LTBP1: variants seen among roughly 807,000 people sequenced by gnomAD.
LTBP1 encodes the protein latent transforming growth factor beta binding protein 1.
LTBP1 carries 129 observed loss-of-function variants against 207.6 expected under a neutral mutation model. That is an observed-to-expected ratio of 0.62 (90% CI 0.54 to 0.72). The LOEUF (loss-of-function observed/expected upper bound fraction) is 0.72. LTBP1 is among the 30% of genes least tolerant of loss of function. LTBP1 has a pLI of 0.00. For synonymous variants in LTBP1, 963 were observed against 833.7 expected, an observed-to-expected ratio of 1.16 and a Z score of -2.67; for missense variants, 2,281 against 2,217.2, an observed-to-expected ratio of 1.03 and a Z score of -0.58.
At chr2:32,964,218 G>A (rs1175510768) in intron 2 of LTBP1, among the ~76,000 whole-genome samples, 1 of 152,260 alleles carries the variant, frequency 6.6e-6, no homozygotes, top group South Asian at 2.1e-4. Flanking sequence ...GAGAATTTCA[G>A]CAATGATACA....
At chr2:33,296,775 T>C (rs1288385792) in intron 20 of LTBP1, among the ~76,000 whole-genome samples, 1 of 152,158 alleles carries the variant, frequency 6.6e-6, no homozygotes, top group Non-Finnish European at 1.5e-5. Flanking sequence ...CTAGTCCTGA[T>C]GCGTAGAAGC....
At chr2:33,177,934 C>T (rs2086222795) in intron 5 of LTBP1, among the ~76,000 whole-genome samples, 1 of 152,162 alleles carries the variant, frequency 6.6e-6, no homozygotes, top group Non-Finnish European at 1.5e-5. Context: ...AATCACATTA[C>T]GCTAGCCAAA....
chr2:33,331,131 G>A (rs372186036), intron 24 of LTBP1, among the ~76,000 whole-genome samples: 15 of 151,498 alleles, frequency 9.9e-5, no homozygotes, highest in South Asian at 4.2e-4. Flanking sequence ...CTTATGTTTC[G>A]CTCTTGATCA....
At chr2:33,371,380 C>G (rs2095065368) in intron 31 of LTBP1, among the ~76,000 whole-genome samples, 1 of 152,140 alleles carries the variant, frequency 6.6e-6, no homozygotes. Context: ...ATTTGGGTGG[C>G]TAAACTGTTT....
chr2:33,003,059 G>T (rs142601773), intron 2 of LTBP1, among the ~76,000 whole-genome samples: 4 of 152,342 alleles, frequency 2.6e-5, no homozygotes, highest in Middle Eastern at 3.4e-3. Context: ...AGCAATGTTG[G>T]CAGGCTTCCT....
chr2:33,357,502 A>G lies in LTBP1; in HGVS notation c.4001-3095A>G, dbSNP rs75452571. On this transcript the variant is annotated intron_variant, in intron 26 of 33. Transcript: ENST00000404816. The stretch of plus-strand genomic sequence containing the variant: ...TAGACATAGGCCACTTGGAACCGAC[A>G]TTAGTTTTCTCTTCCGGGAAGTGAG... Among the ~76,000 whole-genome samples the G allele has an allele frequency of 5.0e-3, 760 of 152,318 alleles. 1 individual carries two copies. The highest frequency in any genetic ancestry group is 7.8e-3 in the Non-Finnish European group (528 of 68,030).
In LTBP1 at chr2:32,947,299, A is replaced by T; in HGVS notation, c.-26A>T. Reference sequence around the variant, plus strand: ...GGGGGAGGGGGCCGGACCGCGCGCGACCGGTCGCGCCCGCTGGGGCCCGCG... The same window carrying T: ...GGGGGAGGGGGCCGGACCGCGCGCGTCCGGTCGCGCCCGCTGGGGCCCGCG... On this transcript the variant is annotated 5_prime_UTR_variant, in exon 1 of 34. Transcript: ENST00000404816. 8.3e-6 allele frequency: 8 copies of T among 966,054 alleles called. No homozygotes were observed. The highest frequency in any genetic ancestry group is 4.4e-4 in the Middle Eastern group (1 of 2,266). The allele number at this position is 966,054 out of a possible 1,614,324, so 59.8% of individuals were successfully genotyped here. A position where few individuals can be genotyped will look rare whatever the true frequency, so the allele number is the denominator to read the frequency against.
chr2:33,202,357 G>T, intron 7 of LTBP1, among the ~76,000 whole-genome samples: 1 of 152,106 alleles, frequency 6.6e-6, no homozygotes, highest in Non-Finnish European at 1.5e-5. Context: ...TGGTTGGGTC[G>T]ATGCAGATGA....
intron 15 of LTBP1, among the ~76,000 whole-genome samples, chr2:33,270,896 A>G (rs2093306395): frequency 6.6e-6 from 1 of 152,194 alleles, no homozygotes; most frequent in Non-Finnish European, 1.5e-5. Context: ...AACATTTTTT[A>G]TCAAATTCCA....
chr2:33,114,472 T>C (rs1246305865), intron 4 of LTBP1, among the ~76,000 whole-genome samples: 3 of 152,176 alleles, frequency 2.0e-5, no homozygotes, highest in Non-Finnish European at 4.4e-5. Context: ...CATCTAGATA[T>C]CGGACCTGAT....
intron 4 of LTBP1, among the ~76,000 whole-genome samples, chr2:33,119,787 C>T (rs555475679): frequency 7.2e-5 from 11 of 152,160 alleles, no homozygotes; most frequent in Admixed American, 2.0e-4. Context: ...CTTGATCTCC[C>T]GACCTCGTGA....
chr2:33,312,827 A>C (rs1165807427), intron 23 of LTBP1, among the ~76,000 whole-genome samples: 2 of 152,224 alleles, frequency 1.3e-5, no homozygotes, highest in African/African-American at 4.8e-5. Context: ...TAGTTTTTAA[A>C]GGGCCACACT....
intron 5 of LTBP1, among the ~76,000 whole-genome samples, chr2:33,141,431 A>G (rs1030740343): frequency 2.0e-5 from 3 of 152,266 alleles, no homozygotes; most frequent in Non-Finnish European, 4.4e-5. Context: ...TACATATTAC[A>G]TGTATTTTAC....
chr2:33,167,046 C>G (rs1348712243), intron 5 of LTBP1, among the ~76,000 whole-genome samples: 1 of 152,152 alleles, frequency 6.6e-6, no homozygotes, highest in African/African-American at 2.4e-5. Context: ...CTACACATGA[C>G]ACCACCCAGA....
chr2:33,085,072 C>T (rs895835247), intron 3 of LTBP1, among the ~76,000 whole-genome samples: 1 of 152,100 alleles, frequency 6.6e-6, no homozygotes, highest in Admixed American at 6.5e-5. Context: ...AGAGAAGACA[C>T]AGGGAGAGGA....
intron 5 of LTBP1, among the ~76,000 whole-genome samples, chr2:33,141,625 G>A (rs2082651694): frequency 6.6e-6 from 1 of 152,126 alleles, no homozygotes; most frequent in Admixed American, 6.5e-5. Flanking sequence ...AGGCGTGGTT[G>A]CTATTTTAGA....
At chr2:33,017,433 A>G (rs909360622) in intron 2 of LTBP1, among the ~76,000 whole-genome samples, 4 of 152,174 alleles carry the variant, frequency 2.6e-5, no homozygotes, top group African/African-American at 7.2e-5. Context: ...CAGATTTAGC[A>G]GGCTTGGGGT....
At chr2:33,017,894 T>C (rs1358559451) in intron 2 of LTBP1, among the ~76,000 whole-genome samples, 1 of 152,180 alleles carries the variant, frequency 6.6e-6, no homozygotes, top group African/African-American at 2.4e-5. Flanking sequence ...AGTTTTGCTT[T>C]TTATGTCAGA....
chr2:33,058,847 C>A (rs896874631), intron 3 of LTBP1, among the ~76,000 whole-genome samples: 1 of 152,132 alleles, frequency 6.6e-6, no homozygotes, highest in Non-Finnish European at 1.5e-5. Context: ...AAAAACATTG[C>A]CATTTAAGCT....
Sources: gnomAD v4.1 joint callset for allele counts (sites outside exome capture counted in the v4.1 genomes callset) on GRCh38, gnomAD v4.1.1 for gene constraint, MANE v1.5 for transcripts, NCBI Gene and HGNC (gene_info 2026-07-23, HGNC 2026-07-21) for gene names.